Variants in SLC8A1 observed in about 807,000 individuals in gnomAD.
SLC8A1 encodes sodium/calcium exchanger 1.
SLC8A1 carries 18 observed loss-of-function variants against 68.3 expected under a neutral mutation model. The observed-to-expected ratio is 0.26, with a 90% CI of 0.18 to 0.39. SLC8A1 has a LOEUF of 0.39. Ranked by LOEUF, SLC8A1 falls within the 10% of genes least tolerant of loss-of-function variation. The pLI, the probability that SLC8A1 is intolerant of heterozygous loss-of-function variation, is 1.00. For missense variants in SLC8A1, 985 were observed against 1,156.7 expected, an observed-to-expected ratio of 0.85 and a Z score of 2.15; for synonymous variants, 475 against 415.5, an observed-to-expected ratio of 1.14 and a Z score of -1.74.
chr2:40,129,012 G>C (rs114252770), intron 7 of SLC8A1, among the ~76,000 whole-genome samples: 1 of 152,138 alleles, frequency 6.6e-6, no homozygotes, highest in South Asian at 2.1e-4. Context: ...GTAAATGGCC[G>C]TGAGGCATCT....
chr2:40,235,201 A>G (rs2060201004), intron 2 of SLC8A1, among the ~76,000 whole-genome samples: 1 of 152,140 alleles, frequency 6.6e-6, no homozygotes, highest in South Asian at 2.1e-4. Flanking sequence ...TACCTCTGGT[A>G]GAATTTGGCT....
chr2:40,310,345 C>G (rs996526652), intron 2 of SLC8A1, among the ~76,000 whole-genome samples: 24 of 152,098 alleles, frequency 1.6e-4, no homozygotes, highest in African/African-American at 5.6e-4. Context: ...AAAAACTGCC[C>G]AGAACACAAG....
At chr2:40,500,843 G>A (rs1264387204) in intron 1 of SLC8A1, among the ~76,000 whole-genome samples, 2 of 81,660 alleles carry the variant, frequency 2.4e-5, no homozygotes, top group Admixed American at 2.0e-4. Context: ...CCTCTCTAGT[G>A]TCTATCCTGC....
intron 2 of SLC8A1, among the ~76,000 whole-genome samples, chr2:40,301,571 A>G (rs901831170): frequency 1.4e-5 from 2 of 144,772 alleles, no homozygotes; most frequent in Non-Finnish European, 3.0e-5. Context: ...AAATGATACA[A>G]TGGATTTTGG....
chr2:40,211,492 A>G (rs2056580907), intron 2 of SLC8A1, among the ~76,000 whole-genome samples: 3 of 152,206 alleles, frequency 2.0e-5, no homozygotes, highest in Admixed American at 1.3e-4. Flanking sequence ...TTAGCAAAGG[A>G]AAGATACTTG....
intron 1 of SLC8A1, among the ~76,000 whole-genome samples, chr2:40,496,385 G>T (rs1187328860): frequency 2.0e-5 from 3 of 152,078 alleles, no homozygotes; most frequent in Non-Finnish European, 4.4e-5. Context: ...TGAAAAGACA[G>T]CATGGCTGTA....
chr2:40,272,024 G>C (rs2066101741), intron 2 of SLC8A1, among the ~76,000 whole-genome samples: 1 of 151,886 alleles, frequency 6.6e-6, no homozygotes. Flanking sequence ...GTACCACCAT[G>C]CCTGGCTATT....
intron 1 of SLC8A1, among the ~76,000 whole-genome samples, chr2:40,471,151 C>A (rs1042490593): frequency 1.3e-5 from 2 of 152,160 alleles, no homozygotes; most frequent in Non-Finnish European, 2.9e-5. Flanking sequence ...ATGGAGACTA[C>A]ATATGAAGCA....
chr2:40,469,668 T>G (rs1250097696), intron 1 of SLC8A1, among the ~76,000 whole-genome samples: 1 of 152,202 alleles, frequency 6.6e-6, no homozygotes, highest in Non-Finnish European at 1.5e-5. Flanking sequence ...ATTCTGGAAT[T>G]TGCTGATTGC....
chr2:40,367,755 C>G (rs1352858560), intron 2 of SLC8A1, among the ~76,000 whole-genome samples: 1 of 151,974 alleles, frequency 6.6e-6, no homozygotes, highest in African/African-American at 2.4e-5. Context: ...ACAATAATAT[C>G]TCAGGATCTG....
chr2:40,502,059 CA>C (rs1706090997), intron 1 of SLC8A1, among the ~76,000 whole-genome samples: 2 of 152,040 alleles, frequency 1.3e-5, no homozygotes, highest in African/African-American at 4.8e-5. Context: ...AGCAATCCTC[CA>C]ACAGGATTCT....
chr2:40,377,428 G>T (rs1223362708), intron 2 of SLC8A1, among the ~76,000 whole-genome samples: 1 of 152,032 alleles, frequency 6.6e-6, no homozygotes, highest in African/African-American at 2.4e-5. Flanking sequence ...TGGAAACTGA[G>T]ATAACAAACG....
chr2:40,405,126 A>T lies in SLC8A1; in HGVS notation c.1808+23347T>A, dbSNP rs186408921. 4.5e-3 allele frequency among the ~76,000 whole-genome samples: 678 copies of T among 152,302 alleles called. 4 individuals carry two copies. Among genetic ancestry groups the T allele is most frequent in the Non-Finnish European group, 6.4e-3 (434 of 68,022 alleles). On this transcript the variant is annotated intron_variant, in intron 2 of 7. Coordinates refer to ENST00000406785, the Ensembl canonical transcript of SLC8A1. ...GTAAATGAAGCAGTCCTCACAAGGCAGAAGGGGAAAAGTGTCAGGGGAACA... is the reference window on the plus strand; with the variant it reads ...GTAAATGAAGCAGTCCTCACAAGGCTGAAGGGGAAAAGTGTCAGGGGAACA...
At chr2:40,300,751 A>AAAG (rs2071309299) in intron 2 of SLC8A1, among the ~76,000 whole-genome samples, 1 of 152,146 alleles carries the variant, frequency 6.6e-6, no homozygotes, top group Non-Finnish European at 1.5e-5. Flanking sequence ...GGCTGAAGAC[A>AAAG]CCAGCAGCCG....
At chr2:40,298,735 G>A (rs959973006) in intron 2 of SLC8A1, among the ~76,000 whole-genome samples, 6 of 152,154 alleles carry the variant, frequency 3.9e-5, no homozygotes, top group African/African-American at 1.4e-4. Context: ...GATGGTAAAG[G>A]AAAGCATGCA....
intron 6 of SLC8A1, among the ~76,000 whole-genome samples, chr2:40,143,791 G>A (rs1382567183): frequency 6.6e-6 from 1 of 152,132 alleles, no homozygotes; most frequent in Admixed American, 6.6e-5. Context: ...AAGTAAACAG[G>A]TGTTTCTTTA....
chr2:40,317,491 TAC>T (rs962955163), intron 2 of SLC8A1, among the ~76,000 whole-genome samples: 2 of 152,088 alleles, frequency 1.3e-5, no homozygotes, highest in African/African-American at 4.8e-5. Flanking sequence ...GCAACAACTC[TAC>T]ACAAACATTG....
intron 1 of SLC8A1, among the ~76,000 whole-genome samples, chr2:40,476,557 C>T (rs1704307922): frequency 6.6e-6 from 1 of 152,132 alleles, no homozygotes; most frequent in Non-Finnish European, 1.5e-5. Flanking sequence ...CACATTTGAC[C>T]AGAGACCTTA....
exon 2 of SLC8A1, chr2:40,429,905 T>G (rs1198623982): frequency 1.2e-6 from 2 of 1,613,606 alleles, no homozygotes; most frequent in Non-Finnish European, 1.7e-6. Flanking sequence ...ATCCTCACAG[T>G]TGTCTTGGTG....
Sources: allele counts gnomAD v4.1 joint callset (sites outside exome capture counted in the v4.1 genomes callset), GRCh38; gene constraint gnomAD v4.1.1; transcripts MANE v1.5; gene names NCBI Gene and HGNC (gene_info 2026-07-23, HGNC 2026-07-21).